Variants in NPHS1 observed in about 807,000 individuals in gnomAD.
NPHS1 encodes the protein nephrin.
NPHS1 carries 107 observed loss-of-function variants against 139.7 expected under a neutral mutation model. That is an observed-to-expected ratio of 0.77 (90% CI 0.66 to 0.90). The LOEUF (loss-of-function observed/expected upper bound fraction) is 0.90. Ranked by LOEUF, NPHS1 falls within the 40% of genes least tolerant of loss-of-function variation. The probability of loss-of-function intolerance (pLI) is 0.00; values close to 1 mark genes in which losing one functional copy is unlikely to be tolerated. For missense variants in NPHS1, 1,580 were observed against 1,654.2 expected (o/e 0.96, Z 0.78); for synonymous variants, 707 against 706.6 (o/e 1.00, Z -0.01).
At chr19:35,849,424 C>G (rs797018863) in intron 6 of NPHS1, 61 bp from the exon 7 acceptor site, 13 of 1,600,444 alleles carry the variant, frequency 8.1e-6, no homozygotes, top group Non-Finnish European at 1.1e-5. Flanking sequence ...CCAGGCCCCA[C>G]AACCTGCCTT....
chr19:35,847,069 G>T (rs955363590), intron 11 of NPHS1, among the ~76,000 whole-genome samples: 1 of 151,036 alleles, frequency 6.6e-6, no homozygotes, highest in South Asian at 2.1e-4. Context: ...TTTTTGAGAC[G>T]GAGTCTCCCT....
At chr19:35,840,069 A>G (rs1754064929) in intron 20 of NPHS1, among the ~76,000 whole-genome samples, 2 of 150,670 alleles carry the variant, frequency 1.3e-5, no homozygotes, top group Non-Finnish European at 2.9e-5. Context: ...TAGTGGTGCA[A>G]TCTTGGCTCA....
chr19:35,833,445 C>T (rs949632920), intron 23 of NPHS1, among the ~76,000 whole-genome samples: 5 of 152,178 alleles, frequency 3.3e-5, no homozygotes, highest in African/African-American at 1.2e-4. Flanking sequence ...ATTCCTCTCT[C>T]CACAGTGATT....
chr19:35,839,293 G>T lies in NPHS1; in HGVS notation c.3053C>A (p.Ala1018Asp). Residue 1018 changes from alanine (A) to aspartate (D), a missense_variant, in exon 22 of 29, where the codon GCC (alanine) becomes GAC (aspartate). Physicochemically the swap from Ala to Asp is moderately radical, Grantham distance 126. Coordinates refer to ENST00000378910, the MANE Select transcript of NPHS1 (RefSeq NM_004646.4). ...GTCAGCCAGTCCACTGTCCCCCAAG[G>T]CATTACTGGCCAGCAGCCAGACCCT... Reference protein sequence around the residue: ...RYRVWLLASNALGDSGLADKG... With the variant: ...RYRVWLLASNDLGDSGLADKG... 1 of 1,614,196 alleles carries T rather than the reference G, an allele frequency of 6.2e-7. No individual in the cohort carries two copies. The highest frequency in any genetic ancestry group is 8.5e-7 in the Non-Finnish European group (1 of 1,180,032).
At chr19:35,830,752 C>G (rs1644567906) in intron 28 of NPHS1, 92 bp downstream of exon 28, 1 of 841,338 alleles carries the variant, frequency 1.2e-6, no homozygotes, top group Non-Finnish European at 2.1e-6. Context: ...CTCTTTGTTA[C>G]AGCAGCTAGC....
chr19:35,848,997 C>T lies in NPHS1; in HGVS notation c.991G>A (p.Gly331Ser), dbSNP rs755741122. ...TCACAGGTGACCTGCAGTGTGATGC[C>T]GTGCTCCTGGGTCCCTGCAGACACG... ...NSVSAGTQEH[G>S]ITLQVTFPPS... is the part of the protein sequence containing the mutation. Residue 331 changes from glycine (G) to serine (S), a missense_variant, in exon 8 of 29, where the codon GGC becomes AGC. Transcript: ENST00000378910. 2.1e-5 allele frequency: 34 copies of T among 1,611,906 alleles called. No individual in the cohort carries two copies. In the South Asian group the frequency reaches 2.3e-4, roughly 11 times the overall value.
chr19:35,840,435 C>A (rs1027177065), intron 20 of NPHS1, among the ~76,000 whole-genome samples: 2 of 137,594 alleles, frequency 1.5e-5, no homozygotes, highest in South Asian at 2.4e-4. Context: ...CCTGGGTTCA[C>A]GCCATTCTCC....
At chr19:35,837,171 A>G (rs1347112242) in intron 22 of NPHS1, among the ~76,000 whole-genome samples, 1 of 152,174 alleles carries the variant, frequency 6.6e-6, no homozygotes. Flanking sequence ...GGGGATTTGA[A>G]CCCAAGCTTC....
intron 20 of NPHS1, among the ~76,000 whole-genome samples, chr19:35,839,967 C>T (rs1292752797): frequency 6.6e-6 from 1 of 151,018 alleles, no homozygotes; most frequent in Non-Finnish European, 1.5e-5. Flanking sequence ...CAAATGGTTA[C>T]TTCTATGGAA....
In NPHS1 at chr19:35,841,757, C is replaced by A. The variant is rs1375216826; in HGVS notation, c.2773G>T (p.Ala925Ser). 5 of 1,614,046 alleles carry A rather than the reference C, an allele frequency of 3.1e-6. No individual in the cohort carries two copies. The African/African-American group carries it at 5.3e-5, about 17-fold the overall frequency. Residue 925 changes from alanine (A) to serine (S), a missense_variant, in exon 20 of 29, where the codon GCC becomes TCC. By Grantham distance (99) the Ala-to-Ser change is moderately conservative. Coordinates refer to ENST00000378910, the MANE Select transcript of NPHS1 (RefSeq NM_004646.4). ...ATGTTGGTTTGGTCCGAGCCAAGGG[C>A]GTTGGTGGCTGTACATGTGAAGAGG... ...YALFTCTATN[A>S]LGSDQTNIQL...
chr19:35,850,652 G>T (rs370235142), intron 4 of NPHS1, among the ~76,000 whole-genome samples: 1 of 152,034 alleles, frequency 6.6e-6, no homozygotes, highest in Non-Finnish European at 1.5e-5. Context: ...GGGCCTCCCC[G>T]CTCTTCTCAA....
In NPHS1 at chr19:35,849,250, G is replaced by A. The variant is rs201881730; in HGVS notation, c.826C>T (p.Leu276=). Residue 276 remains leucine (L), a synonymous_variant, in exon 7 of 29, where the codon CTG becomes TTG. Coordinates refer to ENST00000378910, the MANE Select transcript of NPHS1 (RefSeq NM_004646.4). ...VARGGNPLAT[L]QWLKNGQPVS... ...TTTGCCCTCACCTTCAGCCACTGCA[G>A]TGTGGCTAAGGGATTACCCCCTCGG... is the stretch of plus-strand genomic sequence containing the variant. 82 of 1,613,792 alleles carry A rather than the reference G, an allele frequency of 5.1e-5. No homozygotes were observed. The highest frequency in any genetic ancestry group is 6.8e-5 in the Non-Finnish European group (80 of 1,180,030).
Position 35,826,591 on chromosome 19 carries a change from A to G in NPHS1, c.3649T>C (p.Tyr1217His). ...TCCAAGTCTCCGGCCACCTGGTCATAGATTCCTCTTGGATCCTGATATGTG... is the reference window on the plus strand; with the variant it reads ...TCCAAGTCTCCGGCCACCTGGTCATGGATTCCTCTTGGATCCTGATATGTG... ...EDTYQDPRGI[Y>H]DQVAGDLDTL... Residue 1217 changes from tyrosine (Y) to histidine (H), a missense_variant, in exon 29 of 29, where the codon TAT becomes CAT. Physicochemically the swap from Tyr to His is moderately conservative, Grantham distance 83. Coordinates refer to ENST00000378910, the MANE Select transcript of NPHS1 (RefSeq NM_004646.4). The G allele has an allele frequency of 6.2e-7, 1 of 1,614,104 alleles. No homozygotes were observed. Among genetic ancestry groups the G allele is most frequent in the Non-Finnish European group, 8.5e-7 (1 of 1,179,998 alleles).
Position 35,849,261 on chromosome 19 carries a change from G to A in NPHS1, c.815C>T (p.Pro272Leu). The A allele has an allele frequency of 6.2e-7, 1 of 1,613,852 alleles. No individual in the cohort carries two copies. Among genetic ancestry groups the A allele is most frequent in the Non-Finnish European group, 8.5e-7 (1 of 1,180,032 alleles). The change falls in exon 7 of 29, where the codon CCC (proline) becomes CTC (leucine). Residue 272 changes from proline to leucine, a missense_variant. Coordinates refer to ENST00000378910, the MANE Select transcript of NPHS1 (RefSeq NM_004646.4). ...ELPCVARGGN[P>L]LATLQWLKNG... The stretch of plus-strand genomic sequence containing the variant: ...CTTCAGCCACTGCAGTGTGGCTAAG[G>A]GATTACCCCCTCGGGCCACGCACGG...
chr19:35,826,434 A>T lies in NPHS1; in HGVS notation c.*80T>A. On this transcript the variant is annotated 3_prime_UTR_variant, in exon 29 of 29. Coordinates refer to ENST00000378910, the MANE Select transcript of NPHS1 (RefSeq NM_004646.4). ...TGGGTTTTATGGAGCTCACCTAACCAGCTCGGCCCAGGCTGTAATGAGAGA... is the reference window on the plus strand; with the variant it reads ...TGGGTTTTATGGAGCTCACCTAACCTGCTCGGCCCAGGCTGTAATGAGAGA... The T allele has an allele frequency of 1.3e-6, 2 of 1,570,198 alleles. No homozygotes were observed. The highest frequency in any genetic ancestry group is 1.8e-6 in the Non-Finnish European group (2 of 1,142,458).
chr19:35,834,903 TA>T (rs199751686), intron 23 of NPHS1, among the ~76,000 whole-genome samples: 4,460 of 112,464 alleles, frequency 0.04, 183 homozygotes, highest in African/African-American at 0.12. Context: ...AATAAAAAAA[TA>T]AAAAAAAAAA....
chr19:35,843,127 A>C (rs762603603), intron 17 of NPHS1, among the ~76,000 whole-genome samples: 3 of 151,114 alleles, frequency 2.0e-5, no homozygotes, highest in Non-Finnish European at 3.0e-5. Context: ...CTATCCACTG[A>C]TTTTTCTCCT....
chr19:35,849,693 T>G (rs1459218645), intron 5 of NPHS1, 40 bp from the exon 6 acceptor site: 13 of 1,515,430 alleles, frequency 8.6e-6, no homozygotes, highest in African/African-American at 1.4e-5. Flanking sequence ...AGAGTCATCA[T>G]CTGAAATTTG....
chr19:35,844,260 T>G lies in NPHS1; in HGVS notation c.2072-17A>C. On this transcript the variant is annotated splice_polypyrimidine_tract_variant and intron_variant, in intron 15 of 28. Coordinates refer to ENST00000378910, the MANE Select transcript of NPHS1 (RefSeq NM_004646.4). ...GGCCGCCCGCTGGGGAAGGCCAGAA[T>G]AAGGGACCTGGCAGGACCTCCCATC... 6.2e-7 allele frequency: 1 copy of G among 1,613,652 alleles called. No individual in the cohort carries two copies. Among genetic ancestry groups the G allele is most frequent in the Non-Finnish European group, 8.5e-7 (1 of 1,179,904 alleles).
Sources: allele counts gnomAD v4.1 joint callset (sites outside exome capture counted in the v4.1 genomes callset), GRCh38; gene constraint gnomAD v4.1.1; transcripts MANE v1.5; gene names NCBI Gene and HGNC (gene_info 2026-07-23, HGNC 2026-07-21).